KIF15: variants seen among roughly 807,000 people sequenced by gnomAD.
KIF15 encodes the protein kinesin family member 15.
KIF15 carries 140 observed loss-of-function variants against 190.6 expected under a neutral mutation model. The observed-to-expected ratio is 0.73, with a 90% CI of 0.64 to 0.84. The LOEUF is 0.84. KIF15 is among the 40% of genes least tolerant of loss of function. The pLI is 0.00. For missense variants in KIF15, 1,372 were observed against 1,584.4 expected (o/e 0.87, Z 2.28); for synonymous variants, 528 against 551.3 (o/e 0.96, Z 0.59).
At chr3:44,772,239 A>G (rs541169836) in intron 1 of KIF15, among the ~76,000 whole-genome samples, 6 of 152,364 alleles carry the variant, frequency 3.9e-5, no homozygotes, top group Admixed American at 2.6e-4. Context: ...GAAAGCATGT[A>G]GTTTCTAGGG....
intron 7 of KIF15, among the ~76,000 whole-genome samples, chr3:44,789,680 ATATATATATAT>A (rs1559535570): frequency 3.5e-5 from 2 of 57,636 alleles, no homozygotes; most frequent in African/African-American, 1.0e-4. Flanking sequence ...ATATATATAT[ATATATATATAT>A]AAAATAGATA....
intron 6 of KIF15, among the ~76,000 whole-genome samples, chr3:44,860,219 A>G (rs967068673): frequency 9.9e-5 from 15 of 152,190 alleles, no homozygotes; most frequent in African/African-American, 2.7e-4. Context: ...GAGTTGATCA[A>G]TGCAACACCT....
intron 30 of KIF15, among the ~76,000 whole-genome samples, chr3:44,846,502 G>A (rs1185497157): frequency 6.6e-6 from 1 of 151,810 alleles, no homozygotes; most frequent in South Asian, 2.1e-4. Flanking sequence ...ACTGGGTGTC[G>A]TGGCTCACGC....
rs560185917 is a variant in KIF15 at position 44,810,895 on chromosome 3, C to T, written c.2021C>T (p.Pro674Leu). Residue 674 changes from proline to leucine, a missense_variant, in exon 17 of 35, where the codon CCA (proline) becomes CTA (leucine). By Grantham distance (98) the Pro-to-Leu change is moderately conservative. Coordinates refer to ENST00000326047, the MANE Select transcript of KIF15 (RefSeq NM_020242.3). ...KAYQLHSRPV[P>L]KLSPEMGSFG... Reference sequence around the variant, plus strand: ...TACCAACTTCATTCCCGACCAGTACCAAAATTAAGCCCTGAAATGGGAAGC... The same window carrying T: ...TACCAACTTCATTCCCGACCAGTACTAAAATTAAGCCCTGAAATGGGAAGC... 1.9e-6 allele frequency: 3 copies of T among 1,613,918 alleles called. No individual in the cohort carries two copies. In the South Asian group the frequency reaches 3.3e-5, roughly 18 times the overall value.
At chr3:44,818,593 C>T (rs188250438) in intron 20 of KIF15, among the ~76,000 whole-genome samples, 13 of 152,214 alleles carry the variant, frequency 8.5e-5, no homozygotes, top group Admixed American at 6.5e-4. Context: ...TAGATACAGC[C>T]GACTTTATTG....
At chr3:44,768,015 A>G (rs993102264) in intron 1 of KIF15, among the ~76,000 whole-genome samples, 20 of 147,452 alleles carry the variant, frequency 1.4e-4, no homozygotes, top group Non-Finnish European at 2.6e-4. Flanking sequence ...GTGGCTCACT[A>G]CTGTAATCCC....
intron 26 of KIF15, among the ~76,000 whole-genome samples, chr3:44,835,846 T>C (rs1698284532): frequency 6.6e-6 from 1 of 152,148 alleles, no homozygotes; most frequent in Admixed American, 6.5e-5. Context: ...TGAAAAGATA[T>C]CAAAGCCAAA....
chr3:44,815,631 C>G (rs1002837104), intron 20 of KIF15, among the ~76,000 whole-genome samples: 34 of 152,222 alleles, frequency 2.2e-4, no homozygotes, highest in African/African-American at 8.0e-4. Context: ...GTCTTCACTG[C>G]TGTGCACACT....
At chr3:44,801,627 T>A (rs1036139437) in intron 12 of KIF15, 101 bp downstream of exon 12, 1 of 964,264 alleles carries the variant, frequency 1.0e-6, no homozygotes, top group African/African-American at 1.6e-5. Flanking sequence ...ACCAAGTCAA[T>A]AAAGTAATGG....
chr3:44,807,454 A>G (rs1707564645), intron 16 of KIF15, among the ~76,000 whole-genome samples: 1 of 152,006 alleles, frequency 6.6e-6, no homozygotes, highest in Admixed American at 6.6e-5. Context: ...CGAACTCCTG[A>G]CCTCAGGTGA....
At chr3:44,773,448 A>G (rs1391095283) in intron 1 of KIF15, among the ~76,000 whole-genome samples, 1 of 152,188 alleles carries the variant, frequency 6.6e-6, no homozygotes, top group Non-Finnish European at 1.5e-5. Context: ...GAGGGATGCA[A>G]GGAACTGCCA....
At position 44,826,205 on chromosome 3, in the gene KIF15, T is replaced by C. The variant is rs1697633065; in HGVS notation, c.2700+16T>C. The C allele has an allele frequency of 6.4e-7, 1 of 1,561,082 alleles. No homozygotes were observed. Among genetic ancestry groups the C allele is most frequent in the Admixed American group, 2.1e-5 (1 of 47,066 alleles). The stretch of plus-strand genomic sequence containing the variant: ...TGATCTGAATGTATGTTAAGAAGGG[T>C]GAATTTGTCCCGCATCTGTGACTGT... On this transcript the variant is annotated intron_variant, in intron 21 of 34. Coordinates refer to ENST00000326047, the MANE Select transcript of KIF15 (RefSeq NM_020242.3).
chr3:44,832,981 G>T (rs1446645556), intron 26 of KIF15, among the ~76,000 whole-genome samples: 1 of 135,254 alleles, frequency 7.4e-6, no homozygotes, highest in African/African-American at 2.8e-5. Flanking sequence ...CTGCACTCTA[G>T]CCTGGGTGAC....
At position 44,826,394 on chromosome 3, in the gene KIF15, A is replaced by G; in HGVS notation, c.2720A>G (p.Glu907Gly). Reference sequence around the variant, plus strand: ...TTTTAGAATTTGATGGAGCTTCTTGAGGCAGAAAAAGAACGCAATAACAAA... The same window carrying G: ...TTTTAGAATTTGATGGAGCTTCTTGGGGCAGAAAAAGAACGCAATAACAAA... ...SDLNNLMELL[E>G]AEKERNNKLS... Residue 907 changes from glutamate (E) to glycine (G), a missense_variant, in exon 22 of 35, where the codon GAG becomes GGG. Glu to Gly is a moderately conservative substitution (Grantham distance 98). Coordinates refer to ENST00000326047, the MANE Select transcript of KIF15 (RefSeq NM_020242.3). 1 of 1,613,184 alleles carries G rather than the reference A, an allele frequency of 6.2e-7. No individual in the cohort carries two copies. The highest frequency in any genetic ancestry group is 8.5e-7 in the Non-Finnish European group (1 of 1,179,568).
At chr3:44,810,564 C>T (rs779129427) in intron 16 of KIF15, among the ~76,000 whole-genome samples, 1 of 152,002 alleles carries the variant, frequency 6.6e-6, no homozygotes, top group Non-Finnish European at 1.5e-5. Flanking sequence ...CTGGCTTGTT[C>T]TTTTTAATTG....
chr3:44,798,502 G>A (rs950015745), intron 10 of KIF15, among the ~76,000 whole-genome samples: 3 of 151,830 alleles, frequency 2.0e-5, no homozygotes, highest in African/African-American at 4.8e-5. Flanking sequence ...TAGTAGAGAC[G>A]GGATTTCACC....
At position 44,804,991 on chromosome 3, in the gene KIF15, A is replaced by C. The variant is rs748434477; in HGVS notation, c.1688-36A>C. The C allele has an allele frequency of 7.0e-6, 11 of 1,582,698 alleles. No individual in the cohort carries two copies. In the Admixed American group the frequency reaches 1.2e-4, roughly 17 times the overall value. On this transcript the variant is annotated intron_variant, in intron 14 of 34. Coordinates refer to ENST00000326047, the MANE Select transcript of KIF15 (RefSeq NM_020242.3). ...ATAGTGAGGCCCTGTCTCAGAAAAAAAAAAAAAAAGACTGAGATTGTTTTC... is the reference window on the plus strand; with the variant it reads ...ATAGTGAGGCCCTGTCTCAGAAAAACAAAAAAAAAGACTGAGATTGTTTTC...
chr3:44,858,524 AAGGTGGGGGGGATACG>A (rs1470047128), intron 6 of KIF15, among the ~76,000 whole-genome samples: 5 of 151,944 alleles, frequency 3.3e-5, no homozygotes, highest in African/African-American at 1.2e-4. Context: ...CTTGTGGGTT[AAGGTGGGGGGGATACG>A]AGAGGAAGAC....
At chr3:44,798,513 G>A (rs1360801012) in intron 10 of KIF15, among the ~76,000 whole-genome samples, 3 of 151,826 alleles carry the variant, frequency 2.0e-5, no homozygotes, top group Non-Finnish European at 2.9e-5. Flanking sequence ...GGATTTCACC[G>A]TGTTAGCCAG....
Sources: allele counts gnomAD v4.1 joint callset (sites outside exome capture counted in the v4.1 genomes callset), GRCh38; gene constraint gnomAD v4.1.1; transcripts MANE v1.5; gene names NCBI Gene and HGNC (gene_info 2026-07-23, HGNC 2026-07-21).